Variants in SKP2 observed in about 807,000 individuals in gnomAD.
SKP2 encodes the protein S-phase kinase associated protein 2.
SKP2 carries 16 observed loss-of-function variants against 51.8 expected under a neutral mutation model. That is an observed-to-expected ratio of 0.31 (90% CI 0.21 to 0.47). The LOEUF is 0.47. SKP2 is among the 20% of genes least tolerant of loss of function. SKP2 has a pLI of 1.00. For synonymous variants in SKP2, 176 were observed against 198.6 expected, an observed-to-expected ratio of 0.89 and a Z score of 0.96; for missense variants, 377 against 505.3, an observed-to-expected ratio of 0.75 and a Z score of 2.43.
At chr5:36,153,213 G>T (rs1404352293) in intron 2 of SKP2, among the ~76,000 whole-genome samples, 171 bp downstream of exon 2, 1 of 147,642 alleles carries the variant, frequency 6.8e-6, no homozygotes, top group African/African-American at 2.5e-5. Context: ...AATCTTGGTA[G>T]ATATATATAT....
intron 3 of SKP2, among the ~76,000 whole-genome samples, chr5:36,165,964 A>T (rs1579560118): frequency 1.3e-5 from 2 of 152,328 alleles, no homozygotes; most frequent in East Asian, 3.9e-4. Context: ...ATACACGTGT[A>T]TGTTTTAAGC....
chr5:36,156,244 T>C (rs1325218492), intron 2 of SKP2, among the ~76,000 whole-genome samples: 1 of 152,114 alleles, frequency 6.6e-6, no homozygotes, highest in Non-Finnish European at 1.5e-5. Context: ...GGATTCCCAA[T>C]GGGCCTTTGG....
At chr5:36,162,025 A>G (rs1745135978) in intron 2 of SKP2, among the ~76,000 whole-genome samples, 1 of 152,194 alleles carries the variant, frequency 6.6e-6, no homozygotes, top group South Asian at 2.1e-4. Context: ...TACTTGTTGA[A>G]TAGTTATTTA....
At chr5:36,153,808 A>G (rs1180127686) in intron 2 of SKP2, among the ~76,000 whole-genome samples, 1 of 152,152 alleles carries the variant, frequency 6.6e-6, no homozygotes, top group African/African-American at 2.4e-5. Flanking sequence ...ATAGCTCCCC[A>G]TCCCCTAGTT....
intron 1 of SKP2, 87 bp from the exon 2 acceptor site, chr5:36,152,684 T>C: frequency 1.4e-6 from 2 of 1,389,302 alleles, no homozygotes; most frequent in South Asian, 2.6e-5. Context: ...TTTCCTACAA[T>C]GCATAAACTG....
At chr5:36,179,816 T>C (rs1745746135) in intron 9 of SKP2, among the ~76,000 whole-genome samples, 1 of 152,166 alleles carries the variant, frequency 6.6e-6, no homozygotes, top group Non-Finnish European at 1.5e-5. Context: ...TTCTATTTGC[T>C]ATCCCTTAGT....
At chr5:36,170,998 G>A (rs1279262073) in intron 6 of SKP2, among the ~76,000 whole-genome samples, 3 of 152,156 alleles carry the variant, frequency 2.0e-5, no homozygotes, top group African/African-American at 7.2e-5. Flanking sequence ...TACAGCATTT[G>A]AATCTGTGTC....
intron 3 of SKP2, among the ~76,000 whole-genome samples, chr5:36,164,714 C>T (rs745757216): frequency 7.9e-5 from 12 of 152,216 alleles, no homozygotes; most frequent in Admixed American, 1.3e-4. Flanking sequence ...CACTTACCCT[C>T]ACCGCACTCA....
At chr5:36,170,643 A>G (rs751901301) in intron 6 of SKP2, among the ~76,000 whole-genome samples, 4 of 152,192 alleles carry the variant, frequency 2.6e-5, no homozygotes, top group Non-Finnish European at 4.4e-5. Context: ...TGATACTTGT[A>G]TAGTGATCTC....
At chr5:36,163,937 G>A (rs747064082) in intron 3 of SKP2, among the ~76,000 whole-genome samples, 181 bp downstream of exon 3, 1 of 152,190 alleles carries the variant, frequency 6.6e-6, no homozygotes, top group South Asian at 2.1e-4. Context: ...AATTTCCTGG[G>A]AGGGATAAAC....
chr5:36,159,276 A>T (rs943225343), intron 2 of SKP2, among the ~76,000 whole-genome samples: 2 of 152,132 alleles, frequency 1.3e-5, no homozygotes, highest in African/African-American at 4.8e-5. Flanking sequence ...TGCATTCATC[A>T]CTATGCCAGA....
In SKP2 at chr5:36,177,262, G is replaced by A; in HGVS notation, c.1031G>A (p.Arg344Gln). The A allele has an allele frequency of 1.2e-6, 2 of 1,610,100 alleles. No homozygotes were observed. Among genetic ancestry groups the A allele is most frequent in the South Asian group, 1.1e-5 (1 of 90,998 alleles). ...TACCTCCAACACCTATCACTCAGTC[G>A]GTGCTATGATATAATACCTGAAACT... ...LNYLQHLSLS[R>Q]CYDIIPETLL... The change falls in exon 9 of 10, where the codon CGG becomes CAG. Residue 344 changes from arginine to glutamine, a missense_variant. Arg to Gln is a conservative substitution (Grantham distance 43). Coordinates refer to ENST00000274255, the MANE Select transcript of SKP2 (RefSeq NM_005983.4).
At chr5:36,156,236 A>G (rs761373031) in intron 2 of SKP2, among the ~76,000 whole-genome samples, 2 of 152,108 alleles carry the variant, frequency 1.3e-5, no homozygotes, top group African/African-American at 2.4e-5. Context: ...GGTATAGAGG[A>G]TTCCCAATGG....
chr5:36,187,639 G>C (rs747056897), downstream of SKP2, among the ~76,000 whole-genome samples: 2 of 152,200 alleles, frequency 1.3e-5, no homozygotes, highest in Non-Finnish European at 2.9e-5. Flanking sequence ...TTGCTGAGGA[G>C]TGCTTTACTT....
intron 7 of SKP2, among the ~76,000 whole-genome samples, chr5:36,174,788 CTGAG>C (rs955714429): frequency 3.3e-5 from 5 of 152,146 alleles, no homozygotes; most frequent in Admixed American, 3.3e-4. Context: ...AGAGAACTGA[CTGAG>C]TGAAGAAGGA....
chr5:36,176,217 T>TG (rs1745627850), intron 7 of SKP2, among the ~76,000 whole-genome samples: 1 of 151,976 alleles, frequency 6.6e-6, no homozygotes, highest in South Asian at 2.1e-4. Context: ...TCATGTTCAT[T>TG]GCCTATTTTT....
At position 36,183,780 on chromosome 5, in the gene SKP2, A is replaced by G; in HGVS notation, c.*1749A>G. ...AAGTTGGGTTGCACAGGAAATGATG[A>G]TGCTTCAATTTCTTAATAGTTAAAA... On this transcript the variant is annotated 3_prime_UTR_variant, in exon 10 of 10. Transcript: ENST00000274255. 1 of 1,480,132 alleles carries G rather than the reference A, an allele frequency of 6.8e-7. No homozygotes were observed. Among genetic ancestry groups the G allele is most frequent in the South Asian group, 1.6e-5 (1 of 64,198 alleles). The allele number at this position is 1,480,132 out of a possible 1,614,324, so 91.7% of individuals were successfully genotyped here. A position where few individuals can be genotyped will look rare whatever the true frequency, so the allele number is the denominator to read the frequency against.
intron 7 of SKP2, among the ~76,000 whole-genome samples, chr5:36,172,265 T>C (rs1422989991): frequency 7.7e-6 from 1 of 130,454 alleles, no homozygotes; most frequent in Non-Finnish European, 1.8e-5. Context: ...GTTGAAAAAC[T>C]ATTATAAACT....
chr5:36,158,575 C>T (rs74563941), intron 2 of SKP2, among the ~76,000 whole-genome samples: 1 of 152,178 alleles, frequency 6.6e-6, no homozygotes, highest in Non-Finnish European at 1.5e-5. Context: ...CCATTGATAG[C>T]ATCTTTGTTT....
Sources: allele counts gnomAD v4.1 joint callset (sites outside exome capture counted in the v4.1 genomes callset), GRCh38; gene constraint gnomAD v4.1.1; transcripts MANE v1.5; gene names NCBI Gene and HGNC (gene_info 2026-07-23, HGNC 2026-07-21).